The following PCDHA7 variants were observed in gnomAD, a reference collection of about 807,000 sequenced individuals.
PCDHA7 encodes the protein protocadherin alpha 7.
A neutral mutation model predicts 57.2 loss-of-function variants in PCDHA7; 37 were observed. The ratio of observed to expected loss-of-function variants is 0.65; its 90% confidence interval spans 0.50 to 0.85. The LOEUF is 0.85. PCDHA7 is among the 40% of genes least tolerant of loss of function. The pLI, the probability that PCDHA7 is intolerant of heterozygous loss-of-function variation, is 0.00. For synonymous variants in PCDHA7, 553 were observed against 558.8 expected, an observed-to-expected ratio of 0.99 and a Z score of 0.15; for missense variants, 1,188 against 1,241.8, an observed-to-expected ratio of 0.96 and a Z score of 0.65.
chr5:140,877,476 G>T (rs1554169787), intron 1 of PCDHA7: 2 of 1,613,870 alleles, frequency 1.2e-6, no homozygotes, highest in South Asian at 1.1e-5. Flanking sequence ...TGCTGGTGTC[G>T]CTGGTGGAGA....
rs137969621 is a variant in PCDHA7, at chr5:140,884,072, G to T, written c.2355+47334G>T. The T allele has an allele frequency of 9.1e-5, 147 of 1,613,476 alleles. 1 individual carries two copies. In the African/African-American group the frequency reaches 1.7e-3, roughly 19 times the overall value. On this transcript the variant is annotated intron_variant, in intron 1 of 3. Coordinates refer to ENST00000525929, the MANE Select transcript of PCDHA7 (RefSeq NM_018910.3). ...GGTGCGCGCGGTGGACGCCGATTCGGGCTACAATGCGTGGCTTTCGTATGA... is the reference window on the plus strand; with the variant it reads ...GGTGCGCGCGGTGGACGCCGATTCGTGCTACAATGCGTGGCTTTCGTATGA...
chr5:140,879,078 A>G (rs1168166013), intron 1 of PCDHA7, among the ~76,000 whole-genome samples: 3 of 152,342 alleles, frequency 2.0e-5, no homozygotes, highest in African/African-American at 7.2e-5. Flanking sequence ...TAAGAGAGAT[A>G]AGTAGGAACA....
chr5:140,965,877 G>C (rs1355769719), intron 1 of PCDHA7, among the ~76,000 whole-genome samples: 3 of 152,210 alleles, frequency 2.0e-5, no homozygotes, highest in Non-Finnish European at 4.4e-5. Context: ...CCACTTGGCC[G>C]AGAGCAGAAT....
chr5:140,841,949 T>C, intron 1 of PCDHA7: 1 of 1,613,920 alleles, frequency 6.2e-7, no homozygotes, highest in Non-Finnish European at 8.5e-7. Flanking sequence ...TGCGCACCAC[T>C]TATTCCTGAC....
intron 1 of PCDHA7, among the ~76,000 whole-genome samples, chr5:140,902,974 AGGTT>A (rs2069912537): frequency 6.6e-6 from 1 of 152,178 alleles, no homozygotes. Context: ...ATGGGCATTT[AGGTT>A]GGTTCCATAT....
intron 3 of PCDHA7, among the ~76,000 whole-genome samples, chr5:140,996,427 G>A (rs1479947811): frequency 6.6e-6 from 1 of 152,176 alleles, no homozygotes; most frequent in Non-Finnish European, 1.5e-5. Context: ...GAAAACTTTG[G>A]GAATAGTCAG....
At chr5:140,907,915 C>T (rs1554193177) in intron 1 of PCDHA7, among the ~76,000 whole-genome samples, 1 of 152,234 alleles carries the variant, frequency 6.6e-6, no homozygotes, top group Admixed American at 6.5e-5. Context: ...TTTGACCACT[C>T]AGAGAGGTCC....
At chr5:140,946,611 A>ATATATATATATATATATATATATAT (rs2093972523) in intron 1 of PCDHA7, among the ~76,000 whole-genome samples, 1 of 86,812 alleles carries the variant, frequency 1.2e-5, no homozygotes, top group African/African-American at 6.4e-5. Context: ...GAAAATGTGA[A>ATATATATATATATATATATATATAT]ATATATATAT....
intron 1 of PCDHA7, chr5:140,853,114 C>G: frequency 6.6e-6 from 3 of 456,918 alleles, no homozygotes; most frequent in Non-Finnish European, 8.8e-6. Flanking sequence ...CTCCTGACCT[C>G]ATGATCCTCC....
At chr5:140,861,660 G>C (rs1410564922) in intron 1 of PCDHA7, 1 of 269,190 alleles carries the variant, frequency 3.7e-6, no homozygotes, top group Admixed American at 4.3e-5. Context: ...TCTGAAACGA[G>C]AGCTCTTGAT....
chr5:140,869,270 T>G (rs782020247), intron 1 of PCDHA7: 48 of 1,613,430 alleles, frequency 3.0e-5, no homozygotes, highest in Non-Finnish European at 4.0e-5. Context: ...GGGCTGGAGC[T>G]GGCGGAGCTG....
At chr5:140,861,307 G>T in intron 1 of PCDHA7, 2 of 192,584 alleles carry the variant, frequency 1.0e-5, no homozygotes, top group South Asian at 9.6e-5. Flanking sequence ...AAGCGGGAAA[G>T]GACCAGTTCC....
intron 3 of PCDHA7, among the ~76,000 whole-genome samples, chr5:140,982,824 GGTTT>G (rs74513655): frequency 0.037 from 5,640 of 152,044 alleles, 162 homozygotes; most frequent in Non-Finnish European, 0.055. Flanking sequence ...AAGTTTTTGG[GGTTT>G]GTTTGTTTGT....
At chr5:140,988,600 T>C (rs962869761) in intron 3 of PCDHA7, among the ~76,000 whole-genome samples, 15 of 152,214 alleles carry the variant, frequency 9.9e-5, no homozygotes, top group Non-Finnish European at 1.8e-4. Context: ...AATGGTCATG[T>C]AAATAAAAGA....
At chr5:140,884,204 C>T in intron 1 of PCDHA7, 1 of 1,613,500 alleles carries the variant, frequency 6.2e-7, no homozygotes, top group Non-Finnish European at 8.5e-7. Flanking sequence ...GCCGCACCAC[C>T]GCCTTCTGGT....
At chr5:140,858,028 C>T (rs1192934836) in intron 1 of PCDHA7, 1 of 1,596,786 alleles carries the variant, frequency 6.3e-7, no homozygotes, top group Non-Finnish European at 8.6e-7. Context: ...CGCTGACGGC[C>T]ACGGCCACTG....
chr5:140,987,589 G>A (rs1554249335), intron 3 of PCDHA7, among the ~76,000 whole-genome samples: 1 of 152,180 alleles, frequency 6.6e-6, no homozygotes, highest in Non-Finnish European at 1.5e-5. Context: ...GGGGAGAATA[G>A]TGGTGTCTAC....
intron 1 of PCDHA7, chr5:140,884,661 A>C: frequency 6.3e-7 from 1 of 1,590,384 alleles, no homozygotes; most frequent in African/African-American, 1.3e-5. Context: ...TGCTTGAAAG[A>C]GGTAAGCTTA....
chr5:140,857,755 T>G (rs1427129030), intron 1 of PCDHA7: 1 of 1,597,184 alleles, frequency 6.3e-7, no homozygotes, highest in Non-Finnish European at 8.6e-7. Flanking sequence ...CGTCTCCCGC[T>G]GGCAGCGCGG....
Sources: gnomAD v4.1 joint callset for allele counts (sites outside exome capture counted in the v4.1 genomes callset) on GRCh38, gnomAD v4.1.1 for gene constraint, MANE v1.5 for transcripts, NCBI Gene and HGNC (gene_info 2026-07-23, HGNC 2026-07-21) for gene names.